Variants in VWA8 observed in about 807,000 individuals in gnomAD.
VWA8 encodes von Willebrand factor A domain containing 8.
VWA8 carries 221 observed loss-of-function variants against 241.5 expected under a neutral mutation model. The observed-to-expected ratio is 0.91, with a 90% CI of 0.82 to 1.02. The LOEUF is 1.02. VWA8 is among the 50% of genes least tolerant of loss of function. The pLI, the probability that VWA8 is intolerant of heterozygous loss-of-function variation, is 0.00. For missense variants in VWA8, 2,322 were observed against 2,328.7 expected (o/e 1.00, Z 0.06); for synonymous variants, 852 against 827.1 (o/e 1.03, Z -0.52).
In VWA8 at chr13:41,865,998, C is replaced by T. The variant is rs144335561; in HGVS notation, c.1251G>A (p.Ala417=). The T allele has an allele frequency of 4.4e-5, 71 of 1,614,022 alleles. No individual in the cohort carries two copies. The highest frequency in any genetic ancestry group is 8.0e-5 in the African/African-American group (6 of 74,912). ...AGTRLLSQPC[A]SDRFIQTLSH... ...TCAAAGTCTGTATGAAACGGTCTGA[C>T]GCACAAGGTTGACTTAATAGCCTGG... The change falls in exon 11 of 45, where the codon GCG becomes GCA. Residue 417 remains alanine (A), a synonymous_variant. Transcript: ENST00000379310.
chr13:41,827,426 G>A (rs1348124761), intron 14 of VWA8, among the ~76,000 whole-genome samples: 1 of 152,080 alleles, frequency 6.6e-6, no homozygotes, highest in East Asian at 1.9e-4. Flanking sequence ...TAGTGACATA[G>A]AAGTAAATAC....
At chr13:41,569,928 T>C (rs561911483) in intron 44 of VWA8, among the ~76,000 whole-genome samples, 1 of 151,494 alleles carries the variant, frequency 6.6e-6, no homozygotes, top group African/African-American at 2.5e-5. Context: ...ACCTGCCTTG[T>C]CTCTCCAGCA....
intron 27 of VWA8, among the ~76,000 whole-genome samples, chr13:41,702,393 C>T (rs912148051): frequency 1.3e-5 from 2 of 152,116 alleles, no homozygotes; most frequent in Non-Finnish European, 1.5e-5. Context: ...ATTAAATGCA[C>T]TTGAATGAGA....
intron 43 of VWA8, among the ~76,000 whole-genome samples, chr13:41,574,202 G>T (rs1009141335): frequency 7.0e-5 from 10 of 142,140 alleles, no homozygotes; most frequent in Admixed American, 7.0e-4. Context: ...AAACCCTAAA[G>T]TCTGATAAAT....
intron 21 of VWA8, among the ~76,000 whole-genome samples, chr13:41,744,138 G>A (rs1488754693): frequency 6.6e-6 from 1 of 152,152 alleles, no homozygotes; most frequent in African/African-American, 2.4e-5. Flanking sequence ...TAACATTCAC[G>A]CTCCAGAACT....
chr13:41,932,374 CA>C (rs1444301115), intron 2 of VWA8, among the ~76,000 whole-genome samples: 1 of 151,952 alleles, frequency 6.6e-6, no homozygotes, highest in Non-Finnish European at 1.5e-5. Context: ...TGAATTCTAC[CA>C]AACATTTAAG....
chr13:41,713,155 G>T (rs1364960158), intron 26 of VWA8, among the ~76,000 whole-genome samples: 1 of 152,100 alleles, frequency 6.6e-6, no homozygotes, highest in East Asian at 1.9e-4. Flanking sequence ...GGAGGCAAAG[G>T]TTCTAAGAAA....
intron 17 of VWA8, among the ~76,000 whole-genome samples, chr13:41,794,671 T>C (rs1003084171): frequency 1.3e-5 from 2 of 152,196 alleles, no homozygotes; most frequent in African/African-American, 4.8e-5. Flanking sequence ...CAATACTGTG[T>C]TGAATAAAAG....
intron 24 of VWA8, among the ~76,000 whole-genome samples, chr13:41,726,418 T>C (rs1425264072): frequency 6.6e-6 from 1 of 152,162 alleles, no homozygotes; most frequent in Non-Finnish European, 1.5e-5. Context: ...AATTATATAC[T>C]TGCTATAGAG....
At chr13:41,782,339 G>A (rs1353357120) in intron 19 of VWA8, among the ~76,000 whole-genome samples, 1 of 152,092 alleles carries the variant, frequency 6.6e-6, no homozygotes, top group Non-Finnish European at 1.5e-5. Context: ...TTTTCAAATT[G>A]TCTTTTGTTC....
chr13:41,692,354 T>C (rs1220474154), intron 30 of VWA8, among the ~76,000 whole-genome samples: 4 of 152,058 alleles, frequency 2.6e-5, no homozygotes, highest in Non-Finnish European at 4.4e-5. Flanking sequence ...GGGCAGAGGG[T>C]AAACCTTATT....
chr13:41,780,348 A>T (rs1216186701), intron 19 of VWA8, among the ~76,000 whole-genome samples: 1 of 152,184 alleles, frequency 6.6e-6, no homozygotes, highest in Non-Finnish European at 1.5e-5. Context: ...CCACTTTGTT[A>T]TTCCCCAGTC....
At chr13:41,680,199 A>G (rs2045089156) in intron 35 of VWA8, among the ~76,000 whole-genome samples, 1 of 152,068 alleles carries the variant, frequency 6.6e-6, no homozygotes, top group Admixed American at 6.6e-5. Flanking sequence ...AATAAGCATC[A>G]TGTTTTGTTT....
chr13:41,874,894 T>G (rs1369655188), intron 9 of VWA8, among the ~76,000 whole-genome samples: 2 of 152,016 alleles, frequency 1.3e-5, no homozygotes, highest in Non-Finnish European at 2.9e-5. Flanking sequence ...CTGAGCCCAT[T>G]TACCACCCTT....
At chr13:41,810,108 G>T (rs929624924) in intron 17 of VWA8, among the ~76,000 whole-genome samples, 1 of 151,932 alleles carries the variant, frequency 6.6e-6, no homozygotes, top group African/African-American at 2.4e-5. Flanking sequence ...ACAAATACCA[G>T]CAAGTAAGTG....
At chr13:41,934,688 T>C (rs2138144737) in intron 2 of VWA8, among the ~76,000 whole-genome samples, 1 of 152,158 alleles carries the variant, frequency 6.6e-6, no homozygotes, top group African/African-American at 2.4e-5. Context: ...TCCATTTATA[T>C]AAAATTCTAG....
At chr13:41,694,385 T>TG (rs1377559818) in intron 29 of VWA8, among the ~76,000 whole-genome samples, 5 of 152,152 alleles carry the variant, frequency 3.3e-5, no homozygotes, top group African/African-American at 9.6e-5. Context: ...AGCTTAAATT[T>TG]CTTTCATAAA....
chr13:41,785,477 A>G (rs1463121610), intron 18 of VWA8, among the ~76,000 whole-genome samples: 1 of 152,184 alleles, frequency 6.6e-6, no homozygotes, highest in Non-Finnish European at 1.5e-5. Context: ...ACTTCAAGTA[A>G]GAAAATTACA....
intron 21 of VWA8, among the ~76,000 whole-genome samples, chr13:41,735,326 A>T (rs967144843): frequency 3.9e-5 from 6 of 152,190 alleles, no homozygotes; most frequent in Non-Finnish European, 7.4e-5. Context: ...AAGTAAATTA[A>T]ACCTGAATTC....
Sources: gnomAD v4.1 joint callset for allele counts (sites outside exome capture counted in the v4.1 genomes callset) on GRCh38, gnomAD v4.1.1 for gene constraint, MANE v1.5 for transcripts, NCBI Gene and HGNC (gene_info 2026-07-23, HGNC 2026-07-21) for gene names.